RPS6KA5: variants seen among roughly 807,000 people sequenced by gnomAD.
The protein encoded by RPS6KA5 is ribosomal protein S6 kinase A5.
In RPS6KA5, 27 loss-of-function variants were observed where a neutral mutation model predicts 85.5. The ratio of observed to expected loss-of-function variants is 0.32; its 90% CI spans 0.23 to 0.44. The LOEUF is 0.44. Among genes scored for constraint, RPS6KA5 ranks in the 20% least tolerant of loss-of-function variants. The pLI is 1.00. For missense variants in RPS6KA5, 811 were observed against 980.9 expected, an observed-to-expected ratio of 0.83 and a Z score of 2.31; for synonymous variants, 334 against 348.2, an observed-to-expected ratio of 0.96 and a Z score of 0.46.
intron 3 of RPS6KA5, among the ~76,000 whole-genome samples, chr14:90,959,333 T>C (rs893593927): frequency 1.1e-4 from 16 of 152,200 alleles, no homozygotes; most frequent in Admixed American, 3.3e-4. Context: ...CTGAGTAGGA[T>C]AGTAGTGTGA....
rs2032926728 is a variant in RPS6KA5, at chr14:90,868,893, C to G, written c.*3181G>C. The G allele has an allele frequency of 6.6e-6, 1 of 152,038 alleles. No individual in the cohort carries two copies. The highest frequency in any genetic ancestry group is 2.4e-5 in the African/African-American group (1 of 41,380). 9.4% of individuals were successfully genotyped at this position (152,038 alleles called of 1,614,324 possible). On this transcript the variant is annotated 3_prime_UTR_variant, in exon 17 of 17. Coordinates refer to ENST00000614987, the MANE Select transcript of RPS6KA5 (RefSeq NM_004755.4). Reference sequence around the variant, plus strand: ...GTCATTTACATACTTAAGAAATCAACAGTAATCTAAAAAAATTAAAAGGCA... The same window carrying G: ...GTCATTTACATACTTAAGAAATCAAGAGTAATCTAAAAAAATTAAAAGGCA...
chr14:91,037,633 G>A (rs1259603533), intron 1 of RPS6KA5, among the ~76,000 whole-genome samples: 2 of 151,718 alleles, frequency 1.3e-5, no homozygotes, highest in Non-Finnish European at 2.9e-5. Context: ...TTCTCTGTGA[G>A]TTCTGATCTC....
intron 3 of RPS6KA5, among the ~76,000 whole-genome samples, chr14:90,965,480 A>C (rs914398137): frequency 6.6e-6 from 1 of 152,208 alleles, no homozygotes; most frequent in African/African-American, 2.4e-5. Flanking sequence ...GAAAGGAAGA[A>C]AACTTGAGAG....
rs560548565 is a variant in RPS6KA5 at position 90,897,829 on chromosome 14, G to A, written c.1473+1500C>T. Among the ~76,000 whole-genome samples, 24 of 152,270 alleles carry A rather than the reference G, an allele frequency of 1.6e-4. No individual in the cohort carries two copies. In the East Asian group the frequency reaches 2.3e-3, roughly 15 times the overall value. On this transcript the variant is annotated intron_variant, in intron 12 of 16. Transcript: ENST00000614987. ...CAGAGGAGAGCATCTAAGATCACCC[G>A]TTGATTCCTTGAATGATGTGAATTT...
intron 1 of RPS6KA5, among the ~76,000 whole-genome samples, chr14:91,046,397 C>T (rs540405967): frequency 1.3e-5 from 2 of 152,212 alleles, no homozygotes; most frequent in South Asian, 4.1e-4. Context: ...AATTATGATG[C>T]TTCAATACAC....
intron 2 of RPS6KA5, among the ~76,000 whole-genome samples, chr14:90,988,350 C>T (rs1196784420): frequency 6.6e-6 from 1 of 152,152 alleles, no homozygotes; most frequent in Admixed American, 6.5e-5. Flanking sequence ...TTCAGCTTCC[C>T]CAATAATAGC....
chr14:90,970,841 G>A (rs978783469), intron 3 of RPS6KA5, among the ~76,000 whole-genome samples: 4 of 151,482 alleles, frequency 2.6e-5, no homozygotes, highest in African/African-American at 9.7e-5. Context: ...AAATATAAAG[G>A]GAAAAATCCA....
At chr14:90,999,257 G>A (rs2040671052) in intron 2 of RPS6KA5, among the ~76,000 whole-genome samples, 1 of 152,060 alleles carries the variant, frequency 6.6e-6, no homozygotes, top group Non-Finnish European at 1.5e-5. Context: ...ATGAAGCTAG[G>A]GAAGTGGCTG....
intron 2 of RPS6KA5, among the ~76,000 whole-genome samples, chr14:90,981,179 ATCT>A (rs2039775761): frequency 2.0e-5 from 3 of 152,330 alleles, no homozygotes; most frequent in African/African-American, 2.4e-5. Context: ...CTGAAAGAAA[ATCT>A]TCTTTATATT....
rs371247192 is a variant in RPS6KA5 at position 90,894,467 on chromosome 14, T to C, written c.1590A>G (p.Ser530=). ...CAACATCATGCATGTGGCTTACAGCTGAAACAAGCTTCCTCATGATGTAGC... is the reference window on the plus strand; with the variant it reads ...CAACATCATGCATGTGGCTTACAGCCGAAACAAGCTTCCTCATGATGTAGC... ...EASYIMRKLV[S]AVSHMHDVGV... The change falls in exon 13 of 17, where the codon TCA becomes TCG. Residue 530 remains serine (S), a synonymous_variant. Transcript: ENST00000614987. 6.2e-7 allele frequency: 1 copy of C among 1,614,138 alleles called. No homozygotes were observed. The highest frequency in any genetic ancestry group is 8.5e-7 in the Non-Finnish European group (1 of 1,180,008).
At chr14:90,950,249 T>C (rs1027652020) in intron 3 of RPS6KA5, among the ~76,000 whole-genome samples, 1 of 152,242 alleles carries the variant, frequency 6.6e-6, no homozygotes, top group African/African-American at 2.4e-5. Flanking sequence ...TATAGAAATA[T>C]ATTTGATTTT....
At chr14:91,015,048 C>G (rs2041428047) in intron 1 of RPS6KA5, among the ~76,000 whole-genome samples, 3 of 152,014 alleles carry the variant, frequency 2.0e-5, no homozygotes, top group Admixed American at 2.0e-4. Context: ...ATTTCCTGAC[C>G]ATGTCGTATG....
At chr14:90,946,016 C>T (rs2037851772) in intron 4 of RPS6KA5, among the ~76,000 whole-genome samples, 1 of 152,282 alleles carries the variant, frequency 6.6e-6, no homozygotes, top group East Asian at 1.9e-4. Flanking sequence ...TTGTTTCTTA[C>T]TCATATTTAT....
chr14:90,927,591 G>T (rs916111886), intron 5 of RPS6KA5, among the ~76,000 whole-genome samples: 10 of 151,952 alleles, frequency 6.6e-5, no homozygotes, highest in Admixed American at 4.6e-4. Flanking sequence ...TAAGGCAAAA[G>T]AATTATTAAA....
intron 1 of RPS6KA5, chr14:91,059,966 CG>C: frequency 1.1e-6 from 1 of 912,592 alleles, no homozygotes; most frequent in Non-Finnish European, 1.3e-6. Context: ...TCGCCCCACG[CG>C]GAGGCAGGCG....
intron 7 of RPS6KA5, 130 bp from the exon 8 acceptor site, chr14:90,906,429 A>G (rs530608614): frequency 1.6e-6 from 1 of 606,268 alleles, no homozygotes. Context: ...AATCAATAAT[A>G]CCTCAATACT....
intron 5 of RPS6KA5, among the ~76,000 whole-genome samples, chr14:90,927,643 G>A (rs1000252180): frequency 1.3e-5 from 2 of 151,890 alleles, no homozygotes; most frequent in African/African-American, 4.8e-5. Flanking sequence ...ATTTCACTAG[G>A]GAAATAACTC....
intron 5 of RPS6KA5, among the ~76,000 whole-genome samples, chr14:90,931,186 C>T (rs59063934): frequency 0.042 from 6,352 of 152,178 alleles, 431 homozygotes; most frequent in African/African-American, 0.14. Context: ...CATATAAATA[C>T]CATGGAATAT....
chr14:91,020,533 A>AGT (rs1566872606), intron 1 of RPS6KA5, among the ~76,000 whole-genome samples: 37 of 77,562 alleles, frequency 4.8e-4, no homozygotes, highest in Non-Finnish European at 6.7e-4. Context: ...CTAAGGAATG[A>AGT]CTGTGTGTGT....
Sources: allele counts gnomAD v4.1 joint callset (sites outside exome capture counted in the v4.1 genomes callset), GRCh38; gene constraint gnomAD v4.1.1; transcripts MANE v1.5; gene names NCBI Gene and HGNC (gene_info 2026-07-23, HGNC 2026-07-21).